Variants in SMG6 observed in about 807,000 individuals in gnomAD.
The protein encoded by SMG6 is telomerase-binding protein EST1A.
In SMG6, 66 loss-of-function variants were observed where a neutral mutation model predicts 142.2. The ratio of observed to expected loss-of-function variants is 0.46; its 90% CI spans 0.38 to 0.57. SMG6 has a LOEUF of 0.57. Ranked by LOEUF, SMG6 falls within the 20% of genes least tolerant of loss-of-function variation. SMG6 has a pLI of 0.00. For synonymous variants in SMG6, 779 were observed against 702.4 expected (o/e 1.11, Z -1.72); for missense variants, 1,793 against 1,832.0 (o/e 0.98, Z 0.39).
At chr17:2,083,582 A>G (rs886964626) in intron 14 of SMG6, among the ~76,000 whole-genome samples, 1 of 152,240 alleles carries the variant, frequency 6.6e-6, no homozygotes. Context: ...CAGGCATGCT[A>G]TAGTGTCACA....
chr17:2,204,026 T>C (rs929337563), intron 10 of SMG6, among the ~76,000 whole-genome samples: 4 of 152,128 alleles, frequency 2.6e-5, no homozygotes, highest in African/African-American at 7.2e-5. Flanking sequence ...TTGAGTGGCA[T>C]GGTCATAGCT....
intron 1 of SMG6, chr17:2,303,053 T>C (rs2075320125): frequency 1.0e-6 from 1 of 985,440 alleles, no homozygotes; most frequent in African/African-American, 1.7e-5. Context: ...AACTTGCAAA[T>C]TGAGCATTCT....
chr17:2,063,946 T>C (rs1189360173), intron 18 of SMG6, among the ~76,000 whole-genome samples: 2 of 152,168 alleles, frequency 1.3e-5, no homozygotes, highest in African/African-American at 4.8e-5. Flanking sequence ...AATGCTCATA[T>C]CTGGTCCCAA....
rs188596065 is a variant in SMG6 at position 2,190,076 on chromosome 17, C to G, written c.2870-1561G>C. On this transcript the variant is annotated intron_variant, in intron 10 of 18. Coordinates refer to ENST00000263073, the MANE Select transcript of SMG6 (RefSeq NM_017575.5). Reference sequence around the variant, plus strand: ...GCCAAGAAGAGGGGAGGATGGAAAGCAGGAAAGGGGGAGATATGTAAGTTG... The same window carrying G: ...GCCAAGAAGAGGGGAGGATGGAAAGGAGGAAAGGGGGAGATATGTAAGTTG... Among the ~76,000 whole-genome samples, 432 of 152,240 alleles carry G rather than the reference C, an allele frequency of 2.8e-3. 1 individual carries two copies. Among genetic ancestry groups the G allele is most frequent in the Non-Finnish European group, 5.0e-3 (340 of 68,014 alleles).
chr17:2,252,147 C>G (rs1466010702), intron 8 of SMG6, among the ~76,000 whole-genome samples: 2 of 151,964 alleles, frequency 1.3e-5, no homozygotes, highest in Admixed American at 1.3e-4. Flanking sequence ...GGCACGGTGG[C>G]TCACGCCTGT....
At chr17:2,155,393 G>A (rs527478763) in intron 13 of SMG6, among the ~76,000 whole-genome samples, 1 of 151,996 alleles carries the variant, frequency 6.6e-6, no homozygotes, top group South Asian at 2.1e-4. Flanking sequence ...AGTGGGTAAG[G>A]GAAAAAACAT....
At chr17:2,106,400 G>A (rs2069156254) in intron 13 of SMG6, among the ~76,000 whole-genome samples, 1 of 152,088 alleles carries the variant, frequency 6.6e-6, no homozygotes, top group African/African-American at 2.4e-5. Flanking sequence ...GGTCTCTCAA[G>A]GGAACTCTGC....
In SMG6 at chr17:2,085,112, A is replaced by C. The variant is rs548906639; in HGVS notation, c.3534+613T>G. Among the ~76,000 whole-genome samples the C allele has an allele frequency of 6.6e-6, 1 of 152,318 alleles. No homozygotes were observed. Among genetic ancestry groups the C allele is most frequent in the East Asian group, 1.9e-4 (1 of 5,184 alleles). On this transcript the variant is annotated intron_variant, in intron 14 of 18. Transcript: ENST00000263073. The surrounding 1 kb of genome is among the most constrained non-coding windows in gnomAD (Gnocchi z 4.1). ...CAGGGGCGGGTACACAGGCTCATGCATGTGCATGCGCGTGCGCACACACAC... is the reference window on the plus strand; with the variant it reads ...CAGGGGCGGGTACACAGGCTCATGCCTGTGCATGCGCGTGCGCACACACAC...
intron 8 of SMG6, among the ~76,000 whole-genome samples, chr17:2,273,044 C>T (rs1017025601): frequency 6.6e-6 from 1 of 151,892 alleles, no homozygotes; most frequent in Non-Finnish European, 1.5e-5. Flanking sequence ...GGGAGTGTGC[C>T]GAAGTGTGTG....
chr17:2,259,673 C>CA (rs11289865), intron 8 of SMG6, among the ~76,000 whole-genome samples: 2,286 of 86,012 alleles, frequency 0.027, 57 homozygotes, highest in African/African-American at 0.057. Flanking sequence ...ACCCTGTCTC[C>CA]AAAAAAAAAA....
intron 13 of SMG6, among the ~76,000 whole-genome samples, chr17:2,090,257 G>A (rs1244095411): frequency 1.3e-5 from 2 of 151,570 alleles, no homozygotes; most frequent in East Asian, 1.9e-4. Flanking sequence ...ACAGCCACTC[G>A]GTAGGGAACA....
At position 2,071,817 on chromosome 17, in the gene SMG6, T is replaced by G. The variant is rs933953820; in HGVS notation, c.3682-2886A>C. The G allele has an allele frequency of 6.6e-6, 1 of 151,550 alleles. No individual in the cohort carries two copies. The allele number at this position is 151,550 out of a possible 1,614,324, so 9.4% of individuals were successfully genotyped here. On this transcript the variant is annotated intron_variant, in intron 15 of 18. Coordinates refer to ENST00000263073, the MANE Select transcript of SMG6 (RefSeq NM_017575.5). The surrounding 1 kb of genome is among the most constrained non-coding windows in gnomAD (Gnocchi z 5.6). Reference sequence around the variant, plus strand: ...TGGCAGGCGGAGGAGGGCTTCGGAGTCCACAGGCACCCTTCTACGGGTGTC... The same window carrying G: ...TGGCAGGCGGAGGAGGGCTTCGGAGGCCACAGGCACCCTTCTACGGGTGTC...
chr17:2,279,619 A>G (rs1004278691), intron 8 of SMG6, among the ~76,000 whole-genome samples: 2 of 152,196 alleles, frequency 1.3e-5, no homozygotes, highest in Non-Finnish European at 2.9e-5. Context: ...GATGGCAGCA[A>G]TGAGAAAGGA....
chr17:2,280,622 T>C (rs2074764601), intron 8 of SMG6: 4 of 983,372 alleles, frequency 4.1e-6, no homozygotes, highest in Non-Finnish European at 4.8e-6. Flanking sequence ...AACTCAAAGA[T>C]TTAAATTTAA....
At chr17:2,188,365 A>C (rs369178596) in intron 11 of SMG6, 34 bp downstream of exon 11, 1 of 1,591,382 alleles carries the variant, frequency 6.3e-7, no homozygotes, top group South Asian at 1.1e-5. Context: ...AGGCAACTGG[A>C]AAGCCCACCA....
intron 10 of SMG6, among the ~76,000 whole-genome samples, chr17:2,231,898 T>G (rs931499117): frequency 6.6e-6 from 1 of 151,808 alleles, no homozygotes; most frequent in Admixed American, 6.6e-5. Context: ...ATGAAACTGG[T>G]AGAGGAAAAC....
chr17:2,300,331 G>C lies in SMG6; in HGVS notation c.422C>G (p.Pro141Arg). Residue 141 changes from proline to arginine, a missense_variant, in exon 2 of 19, where the codon CCC becomes CGC. Physicochemically the swap from Pro to Arg is moderately radical, Grantham distance 103 (BLOSUM62 -2). Coordinates refer to ENST00000263073, the MANE Select transcript of SMG6 (RefSeq NM_017575.5). ...SLKIIKRTKKPDLQIYQPGRR... is the reference protein window; with the variant it reads ...SLKIIKRTKKRDLQIYQPGRR... The stretch of plus-strand genomic sequence containing the variant: ...TCCAGGCTGATAGATCTGCAGGTCG[G>C]GTTTCTTTGTTCTTTTGATAATTTT... 6.2e-7 allele frequency: 1 copy of C among 1,613,870 alleles called. No individual in the cohort carries two copies. Among genetic ancestry groups the C allele is most frequent in the Non-Finnish European group, 8.5e-7 (1 of 1,180,020 alleles).
intron 1 of SMG6, 113 bp downstream of exon 1, chr17:2,303,520 G>C (rs1004760403): frequency 7.5e-7 from 1 of 1,334,802 alleles, no homozygotes; most frequent in East Asian, 3.1e-5. Context: ...GCCTACTGCT[G>C]GGGGAAGGGG....
chr17:2,290,582 C>A (rs1027257824), intron 6 of SMG6, among the ~76,000 whole-genome samples: 1 of 152,152 alleles, frequency 6.6e-6, no homozygotes, highest in African/African-American at 2.4e-5. Flanking sequence ...AAGCATAACC[C>A]ATGAAAGAAA....
Sources: allele counts gnomAD v4.1 joint callset (sites outside exome capture counted in the v4.1 genomes callset), GRCh38; gene constraint gnomAD v4.1.1; non-coding constraint Gnocchi (gnomAD v3.1); transcripts MANE v1.5; gene names NCBI Gene and HGNC (gene_info 2026-07-23, HGNC 2026-07-21).